Variants in PLEKHA7 observed in about 807,000 individuals in gnomAD.
The protein encoded by PLEKHA7 is pleckstrin homology domain containing A7.
A neutral mutation model predicts 170.0 loss-of-function variants in PLEKHA7; 104 were observed. That is an observed-to-expected ratio of 0.61 (90% CI 0.52 to 0.72). The LOEUF is 0.72. PLEKHA7 is among the 30% of genes least tolerant of loss of function. PLEKHA7 has a pLI of 0.00. For missense variants in PLEKHA7, 1,615 were observed against 1,671.7 expected, an observed-to-expected ratio of 0.97 and a Z score of 0.59; for synonymous variants, 648 against 660.8, an observed-to-expected ratio of 0.98 and a Z score of 0.30.
At chr11:16,993,999 A>G (rs999108778) in intron 3 of PLEKHA7, among the ~76,000 whole-genome samples, 2 of 152,238 alleles carry the variant, frequency 1.3e-5, no homozygotes, top group Non-Finnish European at 2.9e-5. Context: ...TGTGGGGAAC[A>G]CAAGCTTAAG....
intron 9 of PLEKHA7, among the ~76,000 whole-genome samples, chr11:16,837,849 C>A (rs1851636829): frequency 6.6e-6 from 1 of 152,016 alleles, no homozygotes; most frequent in Admixed American, 6.6e-5. Flanking sequence ...GCCTGAAAGT[C>A]CACGATGGGG....
Position 17,002,989 on chromosome 11 carries a change from C to CTTTTTTTTTTTTTTTTTTTTTTTTTTTTT in PLEKHA7, c.221+10999_221+11000insAAAAAAAAAAAAAAAAAAAAAAAAAAAAA, listed in dbSNP as rs568718448. Among the ~76,000 whole-genome samples, 7 of 113,018 alleles carry CTTTTTTTTTTTTTTTTTTTTTTTTTTTTT rather than the reference C, an allele frequency of 6.2e-5. 3 individuals are homozygous for CTTTTTTTTTTTTTTTTTTTTTTTTTTTTT. Among genetic ancestry groups the CTTTTTTTTTTTTTTTTTTTTTTTTTTTTT allele is most frequent in the Non-Finnish European group, 7.1e-5 (4 of 56,158 alleles). 74.1% of individuals were successfully genotyped at this position (113,018 alleles called of 152,430 possible). The stretch of plus-strand genomic sequence containing the variant: ...CCTTTAAGTACCAGAATAGTTGTGC[C>CTTTTTTTTTTTTTTTTTTTTTTTTTTTTT]TTTTTTTTTTTTTTTTTTTTGTGAT... On this transcript the variant is annotated intron_variant, in intron 3 of 26. Coordinates refer to ENST00000531066, the MANE Select transcript of PLEKHA7 (RefSeq NM_001329630.2).
intron 12 of PLEKHA7, 136 bp downstream of exon 12, chr11:16,816,042 C>G: frequency 1.4e-6 from 1 of 728,626 alleles, no homozygotes. Flanking sequence ...AGTCATTCAA[C>G]TTCTCTGAGC....
chr11:16,836,551 T>C (rs2135164671), intron 9 of PLEKHA7, among the ~76,000 whole-genome samples: 1 of 152,346 alleles, frequency 6.6e-6, no homozygotes, highest in South Asian at 2.1e-4. Flanking sequence ...CTTACAGAGA[T>C]GGAGCTTTTC....
chr11:16,912,920 T>C (rs1858356203), intron 3 of PLEKHA7, among the ~76,000 whole-genome samples: 1 of 152,254 alleles, frequency 6.6e-6, no homozygotes, highest in African/African-American at 2.4e-5. Context: ...AAGGGGCCTC[T>C]TGCTGCCCAT....
At chr11:16,995,562 G>C (rs1864291677) in intron 3 of PLEKHA7, among the ~76,000 whole-genome samples, 1 of 152,158 alleles carries the variant, frequency 6.6e-6, no homozygotes, top group South Asian at 2.1e-4. Flanking sequence ...CTGACAGTTA[G>C]TCACATGCCA....
chr11:16,988,605 C>T lies in PLEKHA7; in HGVS notation c.221+25384G>A, dbSNP rs1057031538. Among the ~76,000 whole-genome samples the T allele has an allele frequency of 4.8e-4, 73 of 152,128 alleles. 1 individual carries two copies. Among genetic ancestry groups the T allele is most frequent in the Non-Finnish European group, 9.3e-4 (63 of 68,026 alleles). On this transcript the variant is annotated intron_variant, in intron 3 of 26. Coordinates refer to ENST00000531066, the MANE Select transcript of PLEKHA7 (RefSeq NM_001329630.2). The stretch of plus-strand genomic sequence containing the variant: ...GGAATTACAGGCACCCACCACCATG[C>T]CCAGCTAATTTTTTGTATTTTTAGT...
At chr11:16,802,654 T>C (rs1848674508) in intron 15 of PLEKHA7, among the ~76,000 whole-genome samples, 1 of 152,046 alleles carries the variant, frequency 6.6e-6, no homozygotes, top group Non-Finnish European at 1.5e-5. Flanking sequence ...TTCAAGCAAT[T>C]CTTCTGCCTC....
intron 3 of PLEKHA7, among the ~76,000 whole-genome samples, chr11:16,899,958 G>A (rs1324224422): frequency 2.0e-5 from 3 of 152,192 alleles, no homozygotes; most frequent in Non-Finnish European, 2.9e-5. Context: ...GGGTAGGCAG[G>A]GAAGTGTCAG....
chr11:16,820,711 C>T (rs1365843024), intron 10 of PLEKHA7, among the ~76,000 whole-genome samples: 1 of 152,204 alleles, frequency 6.6e-6, no homozygotes, highest in African/African-American at 2.4e-5. Context: ...CAGCTCACTC[C>T]CCTTGCCTGC....
At chr11:16,944,156 C>G (rs1397763715) in intron 3 of PLEKHA7, among the ~76,000 whole-genome samples, 1 of 151,862 alleles carries the variant, frequency 6.6e-6, no homozygotes, top group African/African-American at 2.4e-5. Flanking sequence ...GAGTTCGAGA[C>G]TAGCCTGGCC....
At position 16,801,332 on chromosome 11, in the gene PLEKHA7, G is replaced by C. The variant is rs542069088; in HGVS notation, c.2308-257C>G. On this transcript the variant is annotated intron_variant, in intron 16 of 26. Coordinates refer to ENST00000531066, the MANE Select transcript of PLEKHA7 (RefSeq NM_001329630.2). ...CTCAGCCCTGGCCTGTACCACAACA[G>C]ACTGAAAAGTGAAAAAGCAGATTCT... Among the ~76,000 whole-genome samples the C allele has an allele frequency of 1.3e-3, 194 of 152,328 alleles. 3 individuals are homozygous for C. The highest frequency in any genetic ancestry group is 4.4e-3 in the African/African-American group (183 of 41,566).
intron 3 of PLEKHA7, among the ~76,000 whole-genome samples, chr11:16,987,261 A>C (rs11024103): frequency 0.44 from 52,147 of 118,216 alleles, 9,770 homozygotes; most frequent in East Asian, 0.59. Flanking sequence ...CCCATCCCCC[A>C]CACCCCCCAC....
chr11:16,782,646 T>C (rs2134123726), intron 26 of PLEKHA7, 108 bp downstream of exon 26: 2 of 1,397,168 alleles, frequency 1.4e-6, no homozygotes, highest in Non-Finnish European at 1.9e-6. Flanking sequence ...TCAACTACCA[T>C]CCTTGACACC....
intron 9 of PLEKHA7, among the ~76,000 whole-genome samples, chr11:16,837,689 A>T (rs1049822518): frequency 2.0e-5 from 3 of 152,062 alleles, no homozygotes; most frequent in Admixed American, 1.3e-4. Context: ...ATGGGGGTTT[A>T]AAAAAAAGAG....
chr11:17,011,415 C>T (rs1865318415), intron 3 of PLEKHA7, among the ~76,000 whole-genome samples: 1 of 152,174 alleles, frequency 6.6e-6, no homozygotes, highest in South Asian at 2.1e-4. Flanking sequence ...AAGAACCCTC[C>T]CTCAAACCCA....
At chr11:16,908,501 C>CTTT (rs4030729) in intron 3 of PLEKHA7, among the ~76,000 whole-genome samples, 12 of 145,142 alleles carry the variant, frequency 8.3e-5, no homozygotes, top group African/African-American at 2.8e-4. Context: ...ATTTTTTTTT[C>CTTT]TTTTTTTTTT....
intron 8 of PLEKHA7, among the ~76,000 whole-genome samples, chr11:16,845,455 C>T (rs1852317901): frequency 6.6e-6 from 1 of 152,202 alleles, no homozygotes; most frequent in South Asian, 2.1e-4. Context: ...CAACCTTCGC[C>T]TCCCTGGTTC....
At chr11:17,002,462 TACCACGTAGAA>T (rs1864724376) in intron 3 of PLEKHA7, among the ~76,000 whole-genome samples, 1 of 151,054 alleles carries the variant, frequency 6.6e-6, no homozygotes. Context: ...AGGCACCATG[TACCACGTAGAA>T]ACTGCATAGA....
Sources: gnomAD v4.1 joint callset for allele counts (sites outside exome capture counted in the v4.1 genomes callset) on GRCh38, gnomAD v4.1.1 for gene constraint, MANE v1.5 for transcripts, NCBI Gene and HGNC (gene_info 2026-07-23, HGNC 2026-07-21) for gene names.